MACROH2A2: variants seen among roughly 807,000 people sequenced by gnomAD.
MACROH2A2 encodes core histone macro-H2A.2.
MACROH2A2 carries 6 observed loss-of-function variants against 37.6 expected under a neutral mutation model. The ratio of observed to expected loss-of-function variants is 0.16; its 90% confidence interval spans 0.09 to 0.32. The LOEUF (loss-of-function observed/expected upper bound fraction) is 0.32, where lower values mean the gene tolerates loss of function less well. Among genes scored for constraint, MACROH2A2 ranks in the 10% least tolerant of loss-of-function variants. MACROH2A2 has a pLI of 1.00. For synonymous variants in MACROH2A2, 192 were observed against 202.7 expected (o/e 0.95, Z 0.45); for missense variants, 290 against 485.9 (o/e 0.60, Z 3.79).
rs555108449 is a variant in MACROH2A2, at chr10:70,083,831, G to A, written c.173-6229G>A. On this transcript the variant is annotated intron_variant, in intron 2 of 8. Coordinates refer to ENST00000373255, the MANE Select transcript of MACROH2A2 (RefSeq NM_018649.3). ...GCTTGCCTCCCAGAACGGTTATCAC[G>A]TTCCTACTTCAGTTTCTTGATCTGT... 1.0e-4 allele frequency among the ~76,000 whole-genome samples: 15 copies of A among 150,004 alleles called. No individual in the cohort carries two copies. In the East Asian group the frequency reaches 2.1e-3, roughly 21 times the overall value.
Position 70,107,274 on chromosome 10 carries a change from G to A in MACROH2A2, c.779-1759G>A, listed in dbSNP as rs1205163150. ...GCTTCTACCCATGTGAGGAAGTGCA[G>A]TCAGCACTTCCCTGACACTGTGGAC... On this transcript the variant is annotated intron_variant, in intron 7 of 8. Transcript: ENST00000373255. The surrounding 1 kb of genome is among the most constrained non-coding windows in gnomAD (Gnocchi z 4.4). Among the ~76,000 whole-genome samples the A allele has an allele frequency of 6.6e-6, 1 of 152,200 alleles. No homozygotes were observed. Among genetic ancestry groups the A allele is most frequent in the Non-Finnish European group, 1.5e-5 (1 of 68,038 alleles).
At chr10:70,070,839 T>C (rs956466864) in intron 1 of MACROH2A2, among the ~76,000 whole-genome samples, 4 of 152,246 alleles carry the variant, frequency 2.6e-5, no homozygotes, top group Non-Finnish European at 5.9e-5. Flanking sequence ...GCTTTTCTTA[T>C]ACTCCTAGTC....
rs566260890 is a variant in MACROH2A2 at position 70,088,273 on chromosome 10, A to G, written c.173-1787A>G. Reference sequence around the variant, plus strand: ...CTGCACACTCACACACACACAGTACATTCACGCACACGCACACATGCACAC... The same window carrying G: ...CTGCACACTCACACACACACAGTACGTTCACGCACACGCACACATGCACAC... On this transcript the variant is annotated intron_variant, in intron 2 of 8. Transcript: ENST00000373255. Among the ~76,000 whole-genome samples the G allele has an allele frequency of 3.9e-5, 6 of 152,064 alleles. No homozygotes were observed. The South Asian group carries it at 6.3e-4, about 16-fold the overall frequency.
At chr10:70,074,810 A>C (rs1288177283) in intron 1 of MACROH2A2, among the ~76,000 whole-genome samples, 1 of 152,220 alleles carries the variant, frequency 6.6e-6, no homozygotes, top group Non-Finnish European at 1.5e-5. Flanking sequence ...CTGTGAGTGC[A>C]TTAAACCTCT....
chr10:70,076,335 T>C (rs1342257078), intron 2 of MACROH2A2, among the ~76,000 whole-genome samples: 1 of 152,204 alleles, frequency 6.6e-6, no homozygotes, highest in Non-Finnish European at 1.5e-5. Flanking sequence ...GAAGCCGATG[T>C]AATGTTCTAA....
chr10:70,098,011 G>T (rs2072285145), intron 6 of MACROH2A2, among the ~76,000 whole-genome samples: 1 of 152,132 alleles, frequency 6.6e-6, no homozygotes, highest in South Asian at 2.1e-4. Flanking sequence ...GGAGGCTGAG[G>T]TGGGCGGACC....
In MACROH2A2 at chr10:70,071,375, C is replaced by T. The variant is rs2394638; in HGVS notation, c.-59-4225C>T. On this transcript the variant is annotated intron_variant, in intron 1 of 8. Transcript: ENST00000373255. ...TGTGTAGGCTCTTAAGTCTTTAGAACCGACTGCTTAAAGAGCCTAAGCTTC... is the reference window on the plus strand; with the variant it reads ...TGTGTAGGCTCTTAAGTCTTTAGAATCGACTGCTTAAAGAGCCTAAGCTTC... Among the ~76,000 whole-genome samples, 1,171 of 152,108 alleles carry T rather than the reference C, an allele frequency of 7.7e-3. 9 individuals carry two copies. Among genetic ancestry groups the T allele is most frequent in the Non-Finnish European group, 0.013 (868 of 68,004 alleles).
At chr10:70,074,299 G>T (rs1358358861) in intron 1 of MACROH2A2, among the ~76,000 whole-genome samples, 2 of 152,158 alleles carry the variant, frequency 1.3e-5, no homozygotes, top group African/African-American at 2.4e-5. Flanking sequence ...TCACCTCTTT[G>T]TGCTGACTGT....
At chr10:70,100,338 C>A in intron 7 of MACROH2A2, 41 bp downstream of exon 7, 1 of 1,117,628 alleles carries the variant, frequency 8.9e-7, no homozygotes, top group Non-Finnish European at 1.4e-6. Context: ...CATGGCCTCA[C>A]CCTCCTCTCT....
chr10:70,092,685 C>T (rs2072252635), intron 4 of MACROH2A2, among the ~76,000 whole-genome samples: 1 of 152,170 alleles, frequency 6.6e-6, no homozygotes, highest in South Asian at 2.1e-4. Flanking sequence ...TGAAATGGGT[C>T]TTCTCTAGGT....
chr10:70,091,851 A>T lies in MACROH2A2; in HGVS notation c.374A>T (p.Glu125Val). 1 of 1,614,048 alleles carries T rather than the reference A, an allele frequency of 6.2e-7. No homozygotes were observed. Among genetic ancestry groups the T allele is most frequent in the Non-Finnish European group, 8.5e-7 (1 of 1,179,988 alleles). The change falls in exon 4 of 9, where the codon GAA becomes GTA. Residue 125 changes from glutamate (E) to valine (V), a missense_variant. Glu to Val is a moderately radical substitution (Grantham distance 121). This residue lies in a region of MACROH2A2 where 77 missense variants were observed against 68.9 expected (regional missense o/e 1.12). Coordinates refer to ENST00000373255, the MANE Select transcript of MACROH2A2 (RefSeq NM_018649.3). ...AKKRGTKGKS[E>V]TILSPPPEKR... Reference sequence around the variant, plus strand: ...AAGCGAGGGACCAAAGGCAAGTCGGAAACGATCCTCTCCCCACCCCCAGAG... The same window carrying T: ...AAGCGAGGGACCAAAGGCAAGTCGGTAACGATCCTCTCCCCACCCCCAGAG...
At chr10:70,055,732 G>C (rs1297567326) in intron 1 of MACROH2A2, among the ~76,000 whole-genome samples, 1 of 152,156 alleles carries the variant, frequency 6.6e-6, no homozygotes, top group Non-Finnish European at 1.5e-5. Flanking sequence ...GAGCAGTTTG[G>C]CACTATAAAA....
At chr10:70,088,965 G>A (rs1039322644) in intron 2 of MACROH2A2, among the ~76,000 whole-genome samples, 1 of 152,174 alleles carries the variant, frequency 6.6e-6, no homozygotes, top group Admixed American at 6.5e-5. Flanking sequence ...TTAGCCAGGT[G>A]TGGTGGTGTG....
At chr10:70,076,861 G>A (rs1329646190) in intron 2 of MACROH2A2, among the ~76,000 whole-genome samples, 2 of 151,956 alleles carry the variant, frequency 1.3e-5, no homozygotes, top group African/African-American at 4.8e-5. Flanking sequence ...TAGATGCTCA[G>A]TCCTGCCCTG....
intron 3 of MACROH2A2, among the ~76,000 whole-genome samples, 194 bp downstream of exon 3, chr10:70,090,360 A>G (rs143976936): frequency 4.6e-5 from 7 of 152,350 alleles, no homozygotes; most frequent in African/African-American, 1.7e-4. Flanking sequence ...TCTGGCATAG[A>G]TCTCATTATA....
intron 8 of MACROH2A2, among the ~76,000 whole-genome samples, chr10:70,109,452 C>A (rs549449619): frequency 2.7e-4 from 41 of 152,308 alleles, no homozygotes; most frequent in African/African-American, 9.6e-4. Flanking sequence ...ATGTTAAAGC[C>A]CCAGGAGGAA....
At chr10:70,065,203 A>G (rs1203510033) in intron 1 of MACROH2A2, among the ~76,000 whole-genome samples, 2 of 151,764 alleles carry the variant, frequency 1.3e-5, no homozygotes, top group East Asian at 1.9e-4. Flanking sequence ...CAGCCTCTCT[A>G]GTAGCTGGGA....
chr10:70,073,313 C>T (rs2072121379), intron 1 of MACROH2A2, among the ~76,000 whole-genome samples: 1 of 152,170 alleles, frequency 6.6e-6, no homozygotes, highest in Admixed American at 6.5e-5. Flanking sequence ...AAGAGAAAAC[C>T]CCTACAAGTG....
intron 2 of MACROH2A2, among the ~76,000 whole-genome samples, chr10:70,084,056 C>T (rs1476927228): frequency 6.6e-6 from 1 of 151,894 alleles, no homozygotes; most frequent in Non-Finnish European, 1.5e-5. Context: ...TTCAACTGAC[C>T]AGAACAAGTA....
Sources: allele counts gnomAD v4.1 joint callset (sites outside exome capture counted in the v4.1 genomes callset), GRCh38; gene constraint gnomAD v4.1.1; regional missense constraint gnomAD v4.1.1; non-coding constraint Gnocchi (gnomAD v3.1); transcripts MANE v1.5; gene names NCBI Gene and HGNC (gene_info 2026-07-23, HGNC 2026-07-21).